Variants in KLHL40 observed in about 807,000 individuals in gnomAD.
The protein encoded by KLHL40 is kelch-like protein 40.
KLHL40 carries 44 observed loss-of-function variants against 49.7 expected under a neutral mutation model. That is an observed-to-expected ratio of 0.89 (90% CI 0.70 to 1.14). The LOEUF (loss-of-function observed/expected upper bound fraction) is 1.14, where lower values mean the gene tolerates loss of function less well. Among genes scored for constraint, KLHL40 ranks in the 50% most tolerant of loss-of-function variants. KLHL40 has a pLI of 0.00. For synonymous variants in KLHL40, 409 were observed against 365.2 expected (o/e 1.12, Z -1.37); for missense variants, 892 against 850.3 (o/e 1.05, Z -0.61).
Position 42,692,481 on chromosome 3 carries a change from T to C in KLHL40, c.*488T>C. 1.9e-6 allele frequency: 1 copy of C among 520,712 alleles called. No homozygotes were observed. 32.3% of individuals were successfully genotyped at this position (520,712 alleles called of 1,614,324 possible). The stretch of plus-strand genomic sequence containing the variant: ...TCAGTGAGCAGGTGTGTTGAAGACT[T>C]GGGGCTTCAGTGTTCTGCTGTTGGG... On this transcript the variant is annotated 3_prime_UTR_variant, in exon 6 of 6. Transcript: ENST00000287777.
At position 42,686,538 on chromosome 3, in the gene KLHL40, A is replaced by G; in HGVS notation, c.920A>G (p.Asn307Ser). The change falls in exon 1 of 6, where the codon AAT (asparagine) becomes AGT (serine). Residue 307 changes from asparagine (N) to serine (S), a missense_variant. By Grantham distance (46) the Asn-to-Ser change is conservative. Transcript: ENST00000287777. ...GAACGTATCCTTCCTGGGATCCTCA[A>G]TGACACCCTGCGCTTCGGCATGTTC... ...EAERILPGIL[N>S]DTLRFGMFLQ... The G allele has an allele frequency of 6.2e-7, 1 of 1,614,166 alleles. No individual in the cohort carries two copies. The highest frequency in any genetic ancestry group is 8.5e-7 in the Non-Finnish European group (1 of 1,180,022).
At position 42,692,128 on chromosome 3, in the gene KLHL40, C is replaced by T. The variant is rs947119685; in HGVS notation, c.*135C>T. ...TCCAGTTATGGTGCCTCAGGGGCTG[C>T]GTCAGCCAAGGAAAGGGAAGTGCTG... On this transcript the variant is annotated 3_prime_UTR_variant, in exon 6 of 6. Coordinates refer to ENST00000287777, the MANE Select transcript of KLHL40 (RefSeq NM_152393.4). 3 of 639,042 alleles carry T rather than the reference C, an allele frequency of 4.7e-6. No homozygotes were observed. Among genetic ancestry groups the T allele is most frequent in the Middle Eastern group, 3.9e-4 (1 of 2,586 alleles). The allele number at this position is 639,042 out of a possible 1,614,324, so 39.6% of individuals were successfully genotyped here. A position where few individuals can be genotyped will look rare whatever the true frequency, so the allele number is the denominator to read the frequency against.
At position 42,685,587 on chromosome 3, in the gene KLHL40, T is replaced by A; in HGVS notation, c.-32T>A. 6.5e-7 allele frequency: 1 copy of A among 1,535,804 alleles called. No individual in the cohort carries two copies. The highest frequency in any genetic ancestry group is 8.8e-7 in the Non-Finnish European group (1 of 1,138,490). ...GCAGGGGTACAGAGAGGAGCCCCCT[T>A]GGCACCGCCACCGCACCCTAGGCCA... is the stretch of plus-strand genomic sequence containing the variant. On this transcript the variant is annotated 5_prime_UTR_variant, in exon 1 of 6. Coordinates refer to ENST00000287777, the MANE Select transcript of KLHL40 (RefSeq NM_152393.4).
In KLHL40 at chr3:42,692,393, C is replaced by G. The variant is rs117740103; in HGVS notation, c.*400C>G. ...GTGTACAGTGCAGATATGTCTCCTT[C>G]TTTAGGAAGAATAAAGTGCCTTCTG... On this transcript the variant is annotated 3_prime_UTR_variant, in exon 6 of 6. Coordinates refer to ENST00000287777, the MANE Select transcript of KLHL40 (RefSeq NM_152393.4). The G allele has an allele frequency of 8.9e-4, 361 of 403,364 alleles. 4 individuals are homozygous for G. The East Asian group carries it at 0.016, about 18-fold the overall frequency. The allele number at this position is 403,364 out of a possible 1,614,324, so 25.0% of individuals were successfully genotyped here. A position where few individuals can be genotyped will look rare whatever the true frequency, so the allele number is the denominator to read the frequency against.
chr3:42,685,875 T>C lies in KLHL40; in HGVS notation c.257T>C (p.Leu86Pro). The C allele has an allele frequency of 1.2e-6, 2 of 1,612,788 alleles. No individual in the cohort carries two copies. Among genetic ancestry groups the C allele is most frequent in the Non-Finnish European group, 1.7e-6 (2 of 1,179,986 alleles). The change falls in exon 1 of 6, where the codon CTG becomes CCG. Residue 86 changes from leucine to proline, a missense_variant. Transcript: ENST00000287777. ...TCCCCGGACGTGGTGGCCCAGGTGCTGCACTACCTGTACACATCAGAGATC... is the reference window on the plus strand; with the variant it reads ...TCCCCGGACGTGGTGGCCCAGGTGCCGCACTACCTGTACACATCAGAGATC... ...EVSPDVVAQVLHYLYTSEIAL... is the reference protein window; with the variant it reads ...EVSPDVVAQVPHYLYTSEIAL...
chr3:42,688,625 T>C lies in KLHL40; in HGVS notation c.1329T>C (p.Gly443=). ...MCYDRLSFKW[G]ESDPLPYVVY... is the part of the protein sequence containing the mutation. ...TCTCCTCCAGGTCATTCAAATGGGGTGAATCGGACCCGCTGCCTTACGTGG... is the reference window on the plus strand; with the variant it reads ...TCTCCTCCAGGTCATTCAAATGGGGCGAATCGGACCCGCTGCCTTACGTGG... Residue 443 remains glycine, a synonymous_variant, in exon 3 of 6, where the codon GGT becomes GGC. Transcript: ENST00000287777. The surrounding 1 kb of genome is among the most constrained non-coding windows in gnomAD (Gnocchi z 4.2). 6.2e-7 allele frequency: 1 copy of C among 1,613,050 alleles called. No homozygotes were observed. Among genetic ancestry groups the C allele is most frequent in the Non-Finnish European group, 8.5e-7 (1 of 1,179,780 alleles).
At position 42,688,319 on chromosome 3, in the gene KLHL40, T is replaced by G. The variant is rs771777876; in HGVS notation, c.1313+17T>G. On this transcript the variant is annotated intron_variant, in intron 2 of 5. Coordinates refer to ENST00000287777, the MANE Select transcript of KLHL40 (RefSeq NM_152393.4). This position sits in a 1 kb window ranked among gnomAD's most constrained non-coding sequence, Gnocchi z 4.2. ...CGACAGGCTGTGAGCATGGCTGGGG[T>G]GGGGCTGAGCTCCGTGGGGGTGAGT... 1.9e-6 allele frequency: 3 copies of G among 1,610,828 alleles called. No individual in the cohort carries two copies. The highest frequency in any genetic ancestry group is 2.5e-6 in the Non-Finnish European group (3 of 1,179,324).
intron 4 of KLHL40, among the ~76,000 whole-genome samples, chr3:42,689,599 T>C (rs1478713892): frequency 6.6e-6 from 1 of 152,004 alleles, no homozygotes; most frequent in Non-Finnish European, 1.5e-5. Context: ...GGAGAGGGAC[T>C]GTATCTCATC....
At position 42,691,966 on chromosome 3, in the gene KLHL40, C is replaced by T; in HGVS notation, c.1839C>T (p.Leu613=). Residue 613 remains leucine (L), a synonymous_variant, in exon 6 of 6, where the codon CTC becomes CTT. Coordinates refer to ENST00000287777, the MANE Select transcript of KLHL40 (RefSeq NM_152393.4). The part of the protein sequence containing the change: ...AAGATFLPVR[L]NVLCLTKM Reference sequence around the variant, plus strand: ...GTGCCACCTTCCTACCAGTGCGGCTCAATGTGCTGTGCCTGACTAAGATGT... The same window carrying T: ...GTGCCACCTTCCTACCAGTGCGGCTTAATGTGCTGTGCCTGACTAAGATGT... 1.2e-6 allele frequency: 2 copies of T among 1,611,806 alleles called. No individual in the cohort carries two copies. The highest frequency in any genetic ancestry group is 1.7e-6 in the Non-Finnish European group (2 of 1,177,912).
At chr3:42,687,536 C>T (rs1338161476) in intron 1 of KLHL40, among the ~76,000 whole-genome samples, 1 of 152,024 alleles carries the variant, frequency 6.6e-6, no homozygotes, top group Non-Finnish European at 1.5e-5. Flanking sequence ...GCAGTGTGGG[C>T]ACATTGTTTA....
At chr3:42,690,555 G>T (rs532058670) in intron 4 of KLHL40, among the ~76,000 whole-genome samples, 1 of 152,278 alleles carries the variant, frequency 6.6e-6, no homozygotes, top group South Asian at 2.1e-4. Context: ...AGGGGCTGGG[G>T]TTGTGAGTTG....
Position 42,688,826 on chromosome 3 carries a change from G to C in KLHL40, c.1422-43G>C, listed in dbSNP as rs368575840. On this transcript the variant is annotated intron_variant, in intron 3 of 5. Coordinates refer to ENST00000287777, the MANE Select transcript of KLHL40 (RefSeq NM_152393.4). The surrounding 1 kb of genome is among the most constrained non-coding windows in gnomAD (Gnocchi z 4.2). ...AGGTGATTGCAGGGAGGCGTGGCTG[G>C]GCTCCTGCTTCTCTCCACCCATCCC... The C allele has an allele frequency of 6.9e-6, 11 of 1,600,566 alleles. No individual in the cohort carries two copies. Among genetic ancestry groups the C allele is most frequent in the Non-Finnish European group, 9.4e-6 (11 of 1,168,054 alleles).
chr3:42,691,888 C>G lies in KLHL40; in HGVS notation c.1761C>G (p.Asn587Lys), dbSNP rs34020089. The G allele has an allele frequency of 1.2e-5, 20 of 1,602,918 alleles. No homozygotes were observed. In the African/African-American group the frequency reaches 2.1e-4, roughly 17 times the overall value. Residue 587 changes from asparagine (N) to lysine (K), a missense_variant, in exon 6 of 6, where the codon AAC (asparagine) becomes AAG (lysine). By Grantham distance (94) the Asn-to-Lys change is moderately conservative (BLOSUM62 0). Coordinates refer to ENST00000287777, the MANE Select transcript of KLHL40 (RefSeq NM_152393.4). Reference sequence around the variant, plus strand: ...CACTCTCTCTCATCCCCAGGTATAACGAGGAGGAGAAGAAATGGGAGGGTG... The same window carrying G: ...CACTCTCTCTCATCCCCAGGTATAAGGAGGAGGAGAAGAAATGGGAGGGTG... ...PTELNDIWRY[N>K]EEEKKWEGVL... is the part of the protein sequence containing the mutation.
chr3:42,692,135 C>A lies in KLHL40; in HGVS notation c.*142C>A. On this transcript the variant is annotated 3_prime_UTR_variant, in exon 6 of 6. Transcript: ENST00000287777. ...ATGGTGCCTCAGGGGCTGCGTCAGC[C>A]AAGGAAAGGGAAGTGCTGCTTAGTC... 1 of 630,662 alleles carries A rather than the reference C, an allele frequency of 1.6e-6. No homozygotes were observed. 39.1% of individuals were successfully genotyped at this position (630,662 alleles called of 1,614,324 possible).
In KLHL40 at chr3:42,688,349, C is replaced by T; in HGVS notation, c.1313+47C>T. On this transcript the variant is annotated intron_variant, in intron 2 of 5. Transcript: ENST00000287777. This position sits in a 1 kb window ranked among gnomAD's most constrained non-coding sequence, Gnocchi z 4.2. ...CTGAGCTCCGTGGGGGTGAGTGGGG[C>T]ATGGAGGCCGCAGCTGGTCTAGGGC... 7.6e-6 allele frequency: 12 copies of T among 1,588,400 alleles called. No homozygotes were observed. The highest frequency in any genetic ancestry group is 1.0e-5 in the Non-Finnish European group (12 of 1,161,038).
chr3:42,685,641 C>A lies in KLHL40; in HGVS notation c.23C>A (p.Ala8Glu). 6.2e-7 allele frequency: 1 copy of A among 1,604,236 alleles called. No individual in the cohort carries two copies. The highest frequency in any genetic ancestry group is 8.5e-7 in the Non-Finnish European group (1 of 1,175,694). Residue 8 changes from alanine (A) to glutamate (E), a missense_variant, in exon 1 of 6, where the codon GCG becomes GAG. By Grantham distance (107) the Ala-to-Glu change is moderately radical (BLOSUM62 -1). Coordinates refer to ENST00000287777, the MANE Select transcript of KLHL40 (RefSeq NM_152393.4). ...ACCATGGCGCTGGGCTTGGAGCAGG[C>A]GGAGGAGCAGCGGTTGTACCAGCAG... is the stretch of plus-strand genomic sequence containing the variant. MALGLEQAEEQRLYQQTL... is the reference protein window; with the variant it reads MALGLEQEEEQRLYQQTL...
chr3:42,686,203 C>A lies in KLHL40; in HGVS notation c.585C>A (p.Phe195Leu). 6.4e-7 allele frequency: 1 copy of A among 1,571,086 alleles called. No individual in the cohort carries two copies. The highest frequency in any genetic ancestry group is 8.6e-7 in the Non-Finnish European group (1 of 1,162,094). ...ACGTGGAGAAGGAGGAGGCAGTGTT[C>A]GAGGCGGTGATGCGGTGGGCGGGTA... ...GLNVEKEEAV[F>L]EAVMRWAGSG... is the part of the protein sequence containing the mutation. The change falls in exon 1 of 6, where the codon TTC becomes TTA. Residue 195 changes from phenylalanine (F) to leucine (L), a missense_variant. Physicochemically the swap from Phe to Leu is conservative, Grantham distance 22. Transcript: ENST00000287777.
At chr3:42,690,351 T>G (rs1697342959) in intron 4 of KLHL40, among the ~76,000 whole-genome samples, 1 of 152,206 alleles carries the variant, frequency 6.6e-6, no homozygotes, top group South Asian at 2.1e-4. Context: ...GTGCAGTGAC[T>G]GTGGACCTCA....
chr3:42,686,899 G>A (rs1285895549), intron 1 of KLHL40, 129 bp downstream of exon 1: 5 of 806,386 alleles, frequency 6.2e-6, no homozygotes, highest in Non-Finnish European at 7.8e-6. Flanking sequence ...ATGTAGACTG[G>A]GGAGGTTGAC....
Sources: gnomAD v4.1 joint callset for allele counts (sites outside exome capture counted in the v4.1 genomes callset) on GRCh38, gnomAD v4.1.1 for gene constraint, Gnocchi (gnomAD v3.1) non-coding constraint, MANE v1.5 for transcripts, NCBI Gene and HGNC (gene_info 2026-07-23, HGNC 2026-07-21) for gene names.